ROR1: variants seen among roughly 807,000 people sequenced by gnomAD.
The protein encoded by ROR1 is inactive tyrosine-protein kinase transmembrane receptor ROR1.
Under a neutral mutation model 78.8 loss-of-function variants are expected in ROR1, and 19 were observed. That is an observed-to-expected ratio of 0.24 (90% CI 0.17 to 0.35). ROR1 has a LOEUF of 0.35. ROR1 is among the 10% of genes least tolerant of loss of function. The probability of loss-of-function intolerance (pLI) is 1.00; values close to 1 mark genes in which losing one functional copy is unlikely to be tolerated. For synonymous variants in ROR1, 386 were observed against 433.6 expected (o/e 0.89, Z 1.36); for missense variants, 917 against 1,177.8 (o/e 0.78, Z 3.24).
At chr1:63,851,603 G>A (rs780681421) in intron 1 of ROR1, among the ~76,000 whole-genome samples, 6 of 152,230 alleles carry the variant, frequency 3.9e-5, no homozygotes, top group Admixed American at 2.0e-4. Flanking sequence ...TAGACTGTGG[G>A]TGATTATTCC....
At chr1:63,903,934 A>G (rs1056924059) in intron 1 of ROR1, among the ~76,000 whole-genome samples, 10 of 152,158 alleles carry the variant, frequency 6.6e-5, no homozygotes, top group Non-Finnish European at 1.3e-4. Context: ...ACCAAACAAT[A>G]CAAGGGAGAG....
Position 64,178,307 on chromosome 1 carries a change from A to G in ROR1, c.2266A>G (p.Thr756Ala), listed in dbSNP as rs769720341. ...LRSWEGLSSH[T>A]SSTTPSGGNA... is the part of the protein sequence containing the mutation. ...GTCCTGGGAGGGACTCTCAAGTCAC[A>G]CAAGCTCTACTACTCCTTCAGGGGG... Residue 756 changes from threonine to alanine, a missense_variant, in exon 9 of 9, where the codon ACA becomes GCA. Physicochemically the swap from Thr to Ala is moderately conservative, Grantham distance 58. Coordinates refer to ENST00000371079, the MANE Select transcript of ROR1 (RefSeq NM_005012.4). The surrounding 1 kb of genome is among the most constrained non-coding windows in gnomAD (Gnocchi z 4.3). 1 of 1,614,046 alleles carries G rather than the reference A, an allele frequency of 6.2e-7. No individual in the cohort carries two copies. Among genetic ancestry groups the G allele is most frequent in the African/African-American group, 1.3e-5 (1 of 74,926 alleles).
intron 1 of ROR1, among the ~76,000 whole-genome samples, chr1:63,998,878 G>A (rs1646360684): frequency 6.6e-6 from 1 of 152,104 alleles, no homozygotes; most frequent in Non-Finnish European, 1.5e-5. Context: ...TCGTGGGGAC[G>A]GTTTCCCCTG....
intron 2 of ROR1, among the ~76,000 whole-genome samples, chr1:64,045,141 C>T (rs1302586202): frequency 2.6e-5 from 4 of 152,120 alleles, no homozygotes; most frequent in Admixed American, 2.0e-4. Flanking sequence ...GAAACTACCA[C>T]CTATCGAATT....
chr1:64,178,836 T>C lies in ROR1; in HGVS notation c.2795T>C (p.Met932Thr). Reference sequence around the variant, plus strand: ...AATATTCATGGACACACCGAATCTATGATTTCTGCAGAACTGTAAAATGCA... The same window carrying C: ...AATATTCATGGACACACCGAATCTACGATTTCTGCAGAACTGTAAAATGCA... ...DANIHGHTES[M>T]ISAEL is the part of the protein sequence containing the mutation. The change falls in exon 9 of 9, where the codon ATG becomes ACG. Residue 932 changes from methionine (M) to threonine (T), a missense_variant. By Grantham distance (81) the Met-to-Thr change is moderately conservative. Around this residue, in one of 3 missense-constraint regions of ROR1, gnomAD observed 835 missense variants for 1,069.8 expected, o/e 0.78. Transcript: ENST00000371079. This position sits in a 1 kb window ranked among gnomAD's most constrained non-coding sequence, Gnocchi z 4.3. The C allele has an allele frequency of 6.2e-7, 1 of 1,613,334 alleles. No individual in the cohort carries two copies. Among genetic ancestry groups the C allele is most frequent in the South Asian group, 1.1e-5 (1 of 90,984 alleles).
intron 1 of ROR1, among the ~76,000 whole-genome samples, chr1:63,909,905 G>C (rs705521): frequency 2.6e-5 from 4 of 152,006 alleles, no homozygotes; most frequent in Non-Finnish European, 5.9e-5. Context: ...CAAAAAATAT[G>C]GTCTGTTCTC....
At chr1:63,872,780 G>A (rs1260047963) in intron 1 of ROR1, among the ~76,000 whole-genome samples, 1 of 152,146 alleles carries the variant, frequency 6.6e-6, no homozygotes, top group Non-Finnish European at 1.5e-5. Context: ...TTTTTGGATT[G>A]TCCATTATTT....
At chr1:63,875,737 C>T (rs1645280766) in intron 1 of ROR1, among the ~76,000 whole-genome samples, 1 of 152,136 alleles carries the variant, frequency 6.6e-6, no homozygotes, top group African/African-American at 2.4e-5. Flanking sequence ...ATTCTGCTTG[C>T]CACCATGAAC....
chr1:64,091,398 C>G (rs562143891), intron 4 of ROR1, among the ~76,000 whole-genome samples: 1 of 152,096 alleles, frequency 6.6e-6, no homozygotes, highest in African/African-American at 2.4e-5. Context: ...CCATGAGGAG[C>G]CTAAGAACCC....
intron 1 of ROR1, among the ~76,000 whole-genome samples, chr1:63,848,275 A>G (rs1645093742): frequency 6.6e-6 from 1 of 152,230 alleles, no homozygotes; most frequent in Non-Finnish European, 1.5e-5. Context: ...AGGCGTCTTC[A>G]TTTTTAACTC....
At chr1:64,039,579 G>A (rs1646730335) in intron 2 of ROR1, among the ~76,000 whole-genome samples, 1 of 152,140 alleles carries the variant, frequency 6.6e-6, no homozygotes, top group South Asian at 2.1e-4. Flanking sequence ...CCTAGCACAG[G>A]GCTCTCTACC....
In ROR1 at chr1:63,793,346, C is replaced by T. The variant is rs150561224; in HGVS notation, c.91+18838C>T. ...TGATCGATTGGCAGTAGGGTGATGA[C>T]AGTTAATAATAATCTATTATATATT... is the stretch of plus-strand genomic sequence containing the variant. On this transcript the variant is annotated intron_variant, in intron 1 of 8. Coordinates refer to ENST00000371079, the MANE Select transcript of ROR1 (RefSeq NM_005012.4). Among the ~76,000 whole-genome samples the T allele has an allele frequency of 5.8e-3, 880 of 152,264 alleles. 9 individuals carry two copies. The highest frequency in any genetic ancestry group is 0.02 in the African/African-American group (825 of 41,536).
At chr1:63,830,520 A>G (rs1644980935) in intron 1 of ROR1, among the ~76,000 whole-genome samples, 1 of 152,070 alleles carries the variant, frequency 6.6e-6, no homozygotes, top group Non-Finnish European at 1.5e-5. Context: ...AAACCATCAG[A>G]TCTTGTTGGT....
At chr1:63,839,898 G>T (rs1054827368) in intron 1 of ROR1, among the ~76,000 whole-genome samples, 7 of 152,074 alleles carry the variant, frequency 4.6e-5, no homozygotes, top group African/African-American at 1.7e-4. Flanking sequence ...AACAAAATTT[G>T]ATGAAAATCC....
chr1:64,130,030 T>G (rs1215157640), intron 4 of ROR1, among the ~76,000 whole-genome samples: 3 of 152,176 alleles, frequency 2.0e-5, no homozygotes, highest in Non-Finnish European at 4.4e-5. Context: ...TGATTTAATT[T>G]TTTAAAGAAA....
chr1:64,060,028 C>T (rs561108921), intron 4 of ROR1, among the ~76,000 whole-genome samples: 102 of 152,186 alleles, frequency 6.7e-4, no homozygotes, highest in African/African-American at 2.4e-3. Flanking sequence ...TCCACTCCCT[C>T]ACCTATCTTA....
intron 4 of ROR1, among the ~76,000 whole-genome samples, chr1:64,108,911 C>T (rs942852439): frequency 1.3e-5 from 2 of 152,120 alleles, no homozygotes; most frequent in African/African-American, 4.8e-5. Context: ...GGACCCTGTC[C>T]TAGTCCTACT....
intron 1 of ROR1, among the ~76,000 whole-genome samples, chr1:63,810,387 G>A (rs1281919394): frequency 6.6e-6 from 1 of 152,206 alleles, no homozygotes; most frequent in Non-Finnish European, 1.5e-5. Context: ...GCGGTAGAAG[G>A]CACGCATCAT....
intron 1 of ROR1, among the ~76,000 whole-genome samples, chr1:63,878,352 A>G (rs1057220200): frequency 5.9e-5 from 9 of 152,204 alleles, no homozygotes; most frequent in African/African-American, 2.2e-4. Flanking sequence ...CCATTCCTTG[A>G]CGATGAGGAA....
Sources: gnomAD v4.1 joint callset for allele counts (sites outside exome capture counted in the v4.1 genomes callset) on GRCh38, gnomAD v4.1.1 for gene constraint, gnomAD v4.1.1 regional missense constraint, Gnocchi (gnomAD v3.1) non-coding constraint, MANE v1.5 for transcripts, NCBI Gene and HGNC (gene_info 2026-07-23, HGNC 2026-07-21) for gene names.